Variants in SDK2 observed in about 807,000 individuals in gnomAD.
SDK2 encodes the protein sidekick cell adhesion molecule 2, also known as protein sidekick-2.
In SDK2, 105 loss-of-function variants were observed where a neutral mutation model predicts 253.9. That is an observed-to-expected ratio of 0.41 (90% confidence interval 0.35 to 0.49). The LOEUF (loss-of-function observed/expected upper bound fraction) is 0.49, where lower values mean the gene tolerates loss of function less well. Among genes scored for constraint, SDK2 ranks in the 20% least tolerant of loss-of-function variants. The pLI is 0.06. For missense variants in SDK2, 2,608 were observed against 3,003.0 expected (o/e 0.87, Z 3.07); for synonymous variants, 1,249 against 1,234.9 (o/e 1.01, Z -0.24).
intron 1 of SDK2, among the ~76,000 whole-genome samples, chr17:73,562,825 C>T (rs946692844): frequency 4.6e-5 from 7 of 152,358 alleles, no homozygotes; most frequent in East Asian, 1.9e-4. Context: ...TTTACTAAGA[C>T]GTGCTAACTC....
rs923036652 is a variant in SDK2 at position 73,570,959 on chromosome 17, G to A, written c.65-63362C>T. On this transcript the variant is annotated intron_variant, in intron 1 of 44. Transcript: ENST00000392650. This position sits in a 1 kb window ranked among gnomAD's most constrained non-coding sequence, Gnocchi z 4.2. ...TCAAGGGTGACTATTGTGAGCCCTG[G>A]TCTGGTCCTGAGTGGCTGCTGGGAC... Among the ~76,000 whole-genome samples the A allele has an allele frequency of 2.0e-5, 3 of 152,124 alleles. No individual in the cohort carries two copies. Among genetic ancestry groups the A allele is most frequent in the South Asian group, 2.1e-4 (1 of 4,818 alleles).
intron 44 of SDK2, among the ~76,000 whole-genome samples, chr17:73,341,230 CT>C (rs11347151): frequency 0.61 from 73,640 of 120,056 alleles, 23,901 homozygotes; most frequent in East Asian, 0.74. Flanking sequence ...TTATTCCTGA[CT>C]TTTTTTTTTT....
At position 73,456,159 on chromosome 17, in the gene SDK2, G is replaced by C. The variant is rs2063524849; in HGVS notation, c.332-106C>G. On this transcript the variant is annotated intron_variant, in intron 3 of 44. Transcript: ENST00000392650. ...GGCTATGGACGGAAAATTCGGGGCAGACAGGATGACCACAGGGAAGGAGGA... is the reference window on the plus strand; with the variant it reads ...GGCTATGGACGGAAAATTCGGGGCACACAGGATGACCACAGGGAAGGAGGA... 4 of 1,260,864 alleles carry C rather than the reference G, an allele frequency of 3.2e-6. No homozygotes were observed. The East Asian group carries it at 8.4e-5, about 27-fold the overall frequency. 78.1% of individuals were successfully genotyped at this position (1,260,864 alleles called of 1,614,324 possible). A position where few individuals can be genotyped will look rare whatever the true frequency, so the allele number is the denominator to read the frequency against.
chr17:73,425,294 TAAAAAA>T (rs942155624), intron 12 of SDK2, among the ~76,000 whole-genome samples: 1 of 151,068 alleles, frequency 6.6e-6, no homozygotes, highest in Non-Finnish European at 1.5e-5. Context: ...GTAAGAAAAA[TAAAAAA>T]AGAAAGGAAA....
Position 73,447,878 on chromosome 17 carries a change from G to A in SDK2, c.480-130C>T. The A allele has an allele frequency of 4.8e-6, 5 of 1,044,788 alleles. No homozygotes were observed. The highest frequency in any genetic ancestry group is 7.0e-6 in the Non-Finnish European group (5 of 717,910). The allele number at this position is 1,044,788 out of a possible 1,614,324, so 64.7% of individuals were successfully genotyped here. On this transcript the variant is annotated intron_variant, in intron 4 of 44. Transcript: ENST00000392650. The surrounding 1 kb of genome is among the most constrained non-coding windows in gnomAD (Gnocchi z 4.0). ...TCCCCAGCCTCCCAGGGCCCCTCCT[G>A]CCACCCCCTCCCCAACCTCTTACTG...
At position 73,435,740 on chromosome 17, in the gene SDK2, A is replaced by AG; in HGVS notation, c.1001-97dup. 2 of 1,150,712 alleles carry AG rather than the reference A, an allele frequency of 1.7e-6. No homozygotes were observed. The highest frequency in any genetic ancestry group is 1.6e-5 in the South Asian group (1 of 64,086). The allele number at this position is 1,150,712 out of a possible 1,614,324, so 71.3% of individuals were successfully genotyped here. A position where few individuals can be genotyped will look rare whatever the true frequency, so the allele number is the denominator to read the frequency against. ...AGGAGGCCGGGCCCGGAAATCTGCGAGGGGGTCCCTGGTGAATCTTGGTGT... is the reference window on the plus strand; with the variant it reads ...AGGAGGCCGGGCCCGGAAATCTGCGAGGGGGGTCCCTGGTGAATCTTGGTGT... On this transcript the variant is annotated intron_variant, in intron 8 of 44. Coordinates refer to ENST00000392650, the MANE Select transcript of SDK2 (RefSeq NM_001144952.2). The surrounding 1 kb of genome is among the most constrained non-coding windows in gnomAD (Gnocchi z 5.7).
chr17:73,564,478 G>A (rs369656434), intron 1 of SDK2, among the ~76,000 whole-genome samples: 55 of 152,200 alleles, frequency 3.6e-4, no homozygotes, highest in African/African-American at 1.3e-3. Flanking sequence ...ATGTACGTGT[G>A]ACCCAGAGAG....
intron 1 of SDK2, among the ~76,000 whole-genome samples, chr17:73,550,154 T>G (rs990230012): frequency 2.6e-5 from 4 of 152,044 alleles, no homozygotes; most frequent in Non-Finnish European, 5.9e-5. Flanking sequence ...CCAGGTCAGG[T>G]TGAGCTGGCC....
chr17:73,396,704 C>T (rs1008690416), intron 24 of SDK2, among the ~76,000 whole-genome samples: 5 of 152,246 alleles, frequency 3.3e-5, no homozygotes, highest in African/African-American at 1.2e-4. Flanking sequence ...TGGCAGCTGC[C>T]TTTCTATTCC....
At chr17:73,367,643 C>T (rs1026192183) in intron 37 of SDK2, among the ~76,000 whole-genome samples, 1 of 152,168 alleles carries the variant, frequency 6.6e-6, no homozygotes, top group African/African-American at 2.4e-5. Context: ...GCTGGGATTA[C>T]AGGCACGTAC....
intron 1 of SDK2, among the ~76,000 whole-genome samples, chr17:73,577,986 G>A (rs1250695017): frequency 6.6e-6 from 1 of 152,060 alleles, no homozygotes; most frequent in African/African-American, 2.4e-5. Flanking sequence ...CGTGGCAGGA[G>A]AGCAGGCAGC....
At chr17:73,564,136 C>T (rs1211735097) in intron 1 of SDK2, among the ~76,000 whole-genome samples, 1 of 152,202 alleles carries the variant, frequency 6.6e-6, no homozygotes, top group East Asian at 1.9e-4. Flanking sequence ...TCTGTAAATT[C>T]ACACTTCAAT....
At position 73,414,769 on chromosome 17, in the gene SDK2, A is replaced by G; in HGVS notation, c.2369-10T>C. 1 of 1,588,670 alleles carries G rather than the reference A, an allele frequency of 6.3e-7. No homozygotes were observed. The highest frequency in any genetic ancestry group is 8.6e-7 in the Non-Finnish European group (1 of 1,157,472). ...GGAGGGACCGTGGGAACTAGAGGAG[A>G]TGAGAGAACGGGGTGGGGTGGAGGG... On this transcript the variant is annotated splice_polypyrimidine_tract_variant and intron_variant, in intron 17 of 44. Transcript: ENST00000392650.
chr17:73,340,240 T>C (rs890948110), intron 44 of SDK2, among the ~76,000 whole-genome samples: 3 of 152,230 alleles, frequency 2.0e-5, no homozygotes, highest in Admixed American at 6.5e-5. Context: ...TATGACTCAG[T>C]GCATTAGGAC....
At chr17:73,537,375 C>T (rs1418006328) in intron 1 of SDK2, among the ~76,000 whole-genome samples, 1 of 152,130 alleles carries the variant, frequency 6.6e-6, no homozygotes, top group African/African-American at 2.4e-5. Context: ...GGTGGCTCAC[C>T]TCCCCCTTCT....
chr17:73,438,213 G>GC, intron 6 of SDK2, 59 bp from the exon 7 acceptor site: 2 of 1,466,568 alleles, frequency 1.4e-6, no homozygotes, highest in Non-Finnish European at 1.9e-6. Context: ...GGCCTGAGAG[G>GC]CAGGGCAGGG....
intron 2 of SDK2, among the ~76,000 whole-genome samples, chr17:73,500,752 C>CTCCA (rs901908571): frequency 1.4e-4 from 21 of 149,442 alleles, no homozygotes; most frequent in Non-Finnish European, 2.7e-4. Context: ...CTCCTCCATC[C>CTCCA]TCCATCCATC....
chr17:73,430,572 T>C lies in SDK2; in HGVS notation c.1522A>G (p.Ile508Val). The change falls in exon 12 of 45, where the codon ATC (isoleucine) becomes GTC (valine). Residue 508 changes from isoleucine to valine, a missense_variant. Physicochemically the swap from Ile to Val is conservative, Grantham distance 29. This residue lies in a region of SDK2 where 1,505 missense variants were observed against 1,859.1 expected (regional missense o/e 0.81). Coordinates refer to ENST00000392650, the MANE Select transcript of SDK2 (RefSeq NM_001144952.2). ...ITKPPQDQSV[I>V]KGTQASMVCG... The stretch of plus-strand genomic sequence containing the variant: ...ACCATGGAGGCCTGGGTGCCCTTGA[T>C]GACACTCTGATCCTGGGGGGGCTTG... The C allele has an allele frequency of 6.3e-7, 1 of 1,596,110 alleles. No individual in the cohort carries two copies. The highest frequency in any genetic ancestry group is 8.5e-7 in the Non-Finnish European group (1 of 1,171,040).
chr17:73,568,645 T>C lies in SDK2; in HGVS notation c.65-61048A>G, dbSNP rs1567847865. 2.0e-5 allele frequency among the ~76,000 whole-genome samples: 3 copies of C among 152,252 alleles called. No individual in the cohort carries two copies. The East Asian group carries it at 5.8e-4, about 29-fold the overall frequency. On this transcript the variant is annotated intron_variant, in intron 1 of 44. Coordinates refer to ENST00000392650, the MANE Select transcript of SDK2 (RefSeq NM_001144952.2). ...GGAGATGAAGGTCTAACATATATTA[T>C]ACATGAAGTCTAGGAAGAGTCAGGA... is the stretch of plus-strand genomic sequence containing the variant.
Sources: allele counts gnomAD v4.1 joint callset (sites outside exome capture counted in the v4.1 genomes callset), GRCh38; gene constraint gnomAD v4.1.1; regional missense constraint gnomAD v4.1.1; non-coding constraint Gnocchi (gnomAD v3.1); transcripts MANE v1.5; gene names NCBI Gene and HGNC (gene_info 2026-07-23, HGNC 2026-07-21).